PTPRD: variants seen among roughly 807,000 people sequenced by gnomAD.
PTPRD encodes the protein protein tyrosine phosphatase receptor type D, also known as receptor-type tyrosine-protein phosphatase delta.
Under a neutral mutation model 214.5 loss-of-function variants are expected in PTPRD, and 34 were observed. The observed-to-expected ratio is 0.16, with a 90% CI of 0.12 to 0.21. The LOEUF (loss-of-function observed/expected upper bound fraction) is 0.21, where lower values mean the gene tolerates loss of function less well. Among genes scored for constraint, PTPRD ranks in the 10% least tolerant of loss-of-function variants. The pLI, the probability that PTPRD is intolerant of heterozygous loss-of-function variation, is 1.00. For synonymous variants in PTPRD, 1,128 were observed against 845.7 expected (o/e 1.33, Z -5.79); for missense variants, 2,545 against 2,398.7 (o/e 1.06, Z -1.27).
At chr9:10,049,427 G>A (rs1178765328) in intron 3 of PTPRD, among the ~76,000 whole-genome samples, 2 of 129,022 alleles carry the variant, frequency 1.6e-5, no homozygotes, top group Admixed American at 8.4e-5. Flanking sequence ...AAGAAAGAAA[G>A]AAAGAAAGAA....
rs891448927 is a variant in PTPRD, at chr9:10,137,717, A to G, written c.-544-103927T>C. Among the ~76,000 whole-genome samples, 3 of 150,924 alleles carry G rather than the reference A, an allele frequency of 2.0e-5. 1 individual carries two copies. The highest frequency in any genetic ancestry group is 6.6e-5 in the Admixed American group (1 of 15,124). On this transcript the variant is annotated intron_variant, in intron 3 of 45. Coordinates refer to ENST00000381196, the MANE Select transcript of PTPRD (RefSeq NM_002839.4). ...AGAGTATAATAAAAAAAAAAAAAAAAAAAAGAAATCATAACCAAGAATATC... is the reference window on the plus strand; with the variant it reads ...AGAGTATAATAAAAAAAAAAAAAAAGAAAAGAAATCATAACCAAGAATATC...
intron 8 of PTPRD, among the ~76,000 whole-genome samples, chr9:9,407,982 A>G (rs1033090888): frequency 6.6e-6 from 1 of 151,908 alleles, no homozygotes; most frequent in South Asian, 2.1e-4. Context: ...TATTGACCTT[A>G]TAAGAACAGG....
chr9:10,435,745 A>T (rs1327606535), intron 2 of PTPRD, among the ~76,000 whole-genome samples: 1 of 151,878 alleles, frequency 6.6e-6, no homozygotes, highest in African/African-American at 2.4e-5. Context: ...TAATTATTTA[A>T]TGAGGGTTAC....
chr9:9,662,815 CAT>C (rs1489122386), intron 7 of PTPRD, among the ~76,000 whole-genome samples: 5 of 151,562 alleles, frequency 3.3e-5, no homozygotes, highest in African/African-American at 1.2e-4. Flanking sequence ...GTGTCTTTCA[CAT>C]GATGCTCATG....
intron 31 of PTPRD, among the ~76,000 whole-genome samples, chr9:8,470,793 C>A (rs1456574369): frequency 6.6e-6 from 1 of 152,082 alleles, no homozygotes; most frequent in Non-Finnish European, 1.5e-5. Flanking sequence ...TTTATTGCAG[C>A]TTAATGTTTT....
chr9:8,901,856 C>T (rs1234609236), intron 11 of PTPRD, among the ~76,000 whole-genome samples: 1 of 152,136 alleles, frequency 6.6e-6, no homozygotes, highest in Non-Finnish European at 1.5e-5. Context: ...GATTTTCATA[C>T]ATATAAGATG....
chr9:9,489,595 T>C (rs140662804), intron 8 of PTPRD, among the ~76,000 whole-genome samples: 1 of 152,124 alleles, frequency 6.6e-6, no homozygotes, highest in East Asian at 1.9e-4. Flanking sequence ...AAAGAAATTC[T>C]GGAGCTGAAA....
At chr9:9,530,275 A>T (rs904203748) in intron 8 of PTPRD, among the ~76,000 whole-genome samples, 1 of 152,156 alleles carries the variant, frequency 6.6e-6, no homozygotes, top group Admixed American at 6.5e-5. Flanking sequence ...GTGAAGACCC[A>T]AATAAACAAA....
intron 3 of PTPRD, among the ~76,000 whole-genome samples, chr9:10,287,048 GAAGATAGA>G (rs2095379097): frequency 6.6e-6 from 1 of 152,178 alleles, no homozygotes; most frequent in Admixed American, 6.5e-5. Flanking sequence ...ATAAGAAAGA[GAAGATAGA>G]AAACATTGCC....
intron 2 of PTPRD, among the ~76,000 whole-genome samples, chr9:10,438,676 C>A (rs571651802): frequency 5.5e-4 from 84 of 151,598 alleles, no homozygotes; most frequent in African/African-American, 2.0e-3. Flanking sequence ...CTTTCAAGAC[C>A]TCTGTATTTA....
intron 8 of PTPRD, among the ~76,000 whole-genome samples, chr9:9,418,216 C>T (rs2077552155): frequency 6.6e-6 from 1 of 151,954 alleles, no homozygotes; most frequent in Non-Finnish European, 1.5e-5. Flanking sequence ...GAAGGAAATG[C>T]TCAATGATGT....
At chr9:8,965,300 A>G (rs937606915) in intron 11 of PTPRD, among the ~76,000 whole-genome samples, 8 of 151,900 alleles carry the variant, frequency 5.3e-5, no homozygotes, top group Admixed American at 5.3e-4. Context: ...GAATCAGTTG[A>G]ACCCGGGAGG....
intron 8 of PTPRD, among the ~76,000 whole-genome samples, chr9:9,565,413 T>C (rs1162574115): frequency 6.6e-6 from 1 of 151,912 alleles, no homozygotes; most frequent in Non-Finnish European, 1.5e-5. Context: ...AATGATGTAA[T>C]CTAAATGCAA....
intron 7 of PTPRD, among the ~76,000 whole-genome samples, chr9:9,643,836 C>A (rs1024883067): frequency 5.4e-4 from 82 of 152,190 alleles, no homozygotes; most frequent in African/African-American, 2.0e-3. Context: ...CATAATAAAT[C>A]CTAGTTTTCT....
intron 3 of PTPRD, among the ~76,000 whole-genome samples, chr9:10,149,656 C>G (rs1250013538): frequency 6.6e-6 from 1 of 152,018 alleles, no homozygotes; most frequent in Non-Finnish European, 1.5e-5. Flanking sequence ...ATTATAATTC[C>G]AGCTCATTAT....
At chr9:9,736,335 G>C (rs986744186) in intron 6 of PTPRD, among the ~76,000 whole-genome samples, 3 of 151,918 alleles carry the variant, frequency 2.0e-5, no homozygotes, top group Admixed American at 6.6e-5. Context: ...TCTTATTTAT[G>C]AGATTCATTC....
intron 7 of PTPRD, among the ~76,000 whole-genome samples, chr9:9,699,299 C>T (rs1046754696): frequency 1.3e-5 from 2 of 151,726 alleles, no homozygotes; most frequent in South Asian, 4.2e-4. Context: ...TAATCAAGAT[C>T]TAAATAATTT....
Position 9,584,108 on chromosome 9 carries a change from C to T in PTPRD, c.-286-9327G>A, listed in dbSNP as rs145974004. 5.3e-3 allele frequency among the ~76,000 whole-genome samples: 804 copies of T among 151,976 alleles called. 8 individuals carry two copies. The highest frequency in any genetic ancestry group is 6.5e-3 in the Non-Finnish European group (439 of 67,914). On this transcript the variant is annotated intron_variant, in intron 7 of 45. Coordinates refer to ENST00000381196, the MANE Select transcript of PTPRD (RefSeq NM_002839.4). ...CTTGTTAGAAATACAGAATCTCAGA[C>T]CCCATCCCAAAAACATGCATCAGAA...
At chr9:9,652,287 C>T (rs1399500563) in intron 7 of PTPRD, among the ~76,000 whole-genome samples, 1 of 152,190 alleles carries the variant, frequency 6.6e-6, no homozygotes, top group Admixed American at 6.5e-5. Flanking sequence ...GGTTCTTCTA[C>T]CTTGCCCATT....
Sources: gnomAD v4.1 joint callset for allele counts (sites outside exome capture counted in the v4.1 genomes callset) on GRCh38, gnomAD v4.1.1 for gene constraint, MANE v1.5 for transcripts, NCBI Gene and HGNC (gene_info 2026-07-23, HGNC 2026-07-21) for gene names.